FSCN1: variants seen among roughly 807,000 people sequenced by gnomAD.
FSCN1 encodes the protein fascin.
A neutral mutation model predicts 39.7 loss-of-function variants in FSCN1; 10 were observed. The observed-to-expected ratio is 0.25, with a 90% CI of 0.16 to 0.43. The LOEUF is 0.43. FSCN1 is among the 20% of genes least tolerant of loss of function. The probability of loss-of-function intolerance (pLI) is 1.00; values close to 1 mark genes in which losing one functional copy is unlikely to be tolerated. For synonymous variants in FSCN1, 322 were observed against 320.0 expected (o/e 1.01, Z -0.07); for missense variants, 525 against 723.8 (o/e 0.73, Z 3.15).
intron 1 of FSCN1, among the ~76,000 whole-genome samples, chr7:5,600,486 A>T (rs73334470): frequency 0.016 from 2,426 of 152,202 alleles, 60 homozygotes; most frequent in African/African-American, 0.056. Context: ...TTTCCCGAAG[A>T]TAGAGATCCC....
At position 5,602,336 on chromosome 7, in the gene FSCN1, G is replaced by A. The variant is rs563856176; in HGVS notation, c.833-921G>A. On this transcript the variant is annotated intron_variant, in intron 1 of 4. Transcript: ENST00000382361. ...GCAGGAGATATGAGCCACCGCACCC[G>A]GCCCTTTTATAAGTTTTCTAAAGGA... 4.0e-5 allele frequency among the ~76,000 whole-genome samples: 6 copies of A among 151,772 alleles called. No individual in the cohort carries two copies. In the East Asian group the frequency reaches 9.7e-4, roughly 25 times the overall value.
In FSCN1 at chr7:5,603,647, CGTCCTGGA is replaced by C; in HGVS notation, c.1111+40_1111+47del. The C allele has an allele frequency of 6.2e-7, 1 of 1,613,382 alleles. No homozygotes were observed. Among genetic ancestry groups the C allele is most frequent in the Middle Eastern group, 1.7e-4 (1 of 6,016 alleles). On this transcript the variant is annotated intron_variant, in intron 3 of 4. Coordinates refer to ENST00000382361, the MANE Select transcript of FSCN1 (RefSeq NM_003088.4). This position sits in a 1 kb window ranked among gnomAD's most constrained non-coding sequence, Gnocchi z 8.5. Reference sequence around the variant, plus strand: ...CACTAAAGCCCCAGTTCCCTGGAGCCGTCCTGGAGTCCTGGAGGGTCTGGCCATGCCGT... The same window carrying C: ...CACTAAAGCCCCAGTTCCCTGGAGCCGTCCTGGAGGGTCTGGCCATGCCGT...
intron 1 of FSCN1, among the ~76,000 whole-genome samples, chr7:5,601,146 G>A (rs186551284): frequency 2.5e-4 from 38 of 149,224 alleles, no homozygotes; most frequent in African/African-American, 9.1e-4. Flanking sequence ...ACAGAAAACA[G>A]TATGCAAATC....
Position 5,603,166 on chromosome 7 carries a change from T to C in FSCN1, c.833-91T>C. The C allele has an allele frequency of 6.9e-7, 1 of 1,454,792 alleles. No individual in the cohort carries two copies. The highest frequency in any genetic ancestry group is 9.4e-7 in the Non-Finnish European group (1 of 1,058,480). 90.1% of individuals were successfully genotyped at this position (1,454,792 alleles called of 1,614,324 possible). A position where few individuals can be genotyped will look rare whatever the true frequency, so the allele number is the denominator to read the frequency against. ...CCCACCCCACCCCGTGGTGTTACCT[T>C]GCGTGTGTAGTTCTGTGAGCTCAGG... On this transcript the variant is annotated intron_variant, in intron 1 of 4. Coordinates refer to ENST00000382361, the MANE Select transcript of FSCN1 (RefSeq NM_003088.4). The surrounding 1 kb of genome is among the most constrained non-coding windows in gnomAD (Gnocchi z 8.5).
chr7:5,595,472 C>T (rs1785713085), intron 1 of FSCN1, among the ~76,000 whole-genome samples: 2 of 152,154 alleles, frequency 1.3e-5, no homozygotes, highest in Non-Finnish European at 2.9e-5. Context: ...ATGAGTGAAC[C>T]AGTGGGGTTC....
At chr7:5,596,040 G>A (rs1229098531) in intron 1 of FSCN1, among the ~76,000 whole-genome samples, 1 of 151,756 alleles carries the variant, frequency 6.6e-6, no homozygotes, top group Non-Finnish European at 1.5e-5. Flanking sequence ...CGGGGGTGGG[G>A]GTACTTGGGG....
At chr7:5,600,606 G>T (rs1249815256) in intron 1 of FSCN1, among the ~76,000 whole-genome samples, 1 of 147,250 alleles carries the variant, frequency 6.8e-6, no homozygotes, top group Admixed American at 6.8e-5. Flanking sequence ...ATTCTCCTGC[G>T]TCAGCCTCCC....
At chr7:5,600,138 G>A (rs1489091308) in intron 1 of FSCN1, among the ~76,000 whole-genome samples, 3 of 152,070 alleles carry the variant, frequency 2.0e-5, no homozygotes, top group Admixed American at 6.6e-5. Flanking sequence ...TGGGCTGGGC[G>A]CAGTGGCTCA....
chr7:5,601,197 C>CTTTT (rs534109521), intron 1 of FSCN1, among the ~76,000 whole-genome samples: 20 of 115,526 alleles, frequency 1.7e-4, no homozygotes, highest in Non-Finnish European at 2.3e-4. Flanking sequence ...TTCTTTCTTC[C>CTTTT]TTTTTTTTTT....
chr7:5,600,387 C>G (rs1785803787), intron 1 of FSCN1, among the ~76,000 whole-genome samples: 1 of 152,026 alleles, frequency 6.6e-6, no homozygotes, highest in Non-Finnish European at 1.5e-5. Flanking sequence ...GCACTCCAGC[C>G]CGGGAGACAC....
intron 1 of FSCN1, among the ~76,000 whole-genome samples, chr7:5,602,030 C>T (rs1190155698): frequency 2.0e-5 from 3 of 151,356 alleles, no homozygotes; most frequent in Non-Finnish European, 1.5e-5. Flanking sequence ...CTGCCATCTC[C>T]GCCTCCCAGG....
intron 1 of FSCN1, chr7:5,594,426 A>T (rs556170204): frequency 0.022 from 3,411 of 152,324 alleles, 72 homozygotes; most frequent in Admixed American, 0.037. Flanking sequence ...CCCGCGCTCG[A>T]GGCCGCGGCC....
rs200275119 is a variant in FSCN1, at chr7:5,603,628, A to C, written c.1111+11A>C. 3,606 of 1,613,954 alleles carry C rather than the reference A, an allele frequency of 2.2e-3. 5 individuals are homozygous for C. Among genetic ancestry groups the C allele is most frequent in the Non-Finnish European group, 2.9e-3 (3,384 of 1,180,004 alleles). On this transcript the variant is annotated intron_variant, in intron 3 of 4. Transcript: ENST00000382361. This position sits in a 1 kb window ranked among gnomAD's most constrained non-coding sequence, Gnocchi z 8.5. The stretch of plus-strand genomic sequence containing the variant: ...CGGTGGAGACAGCAGGTAACACTAA[A>C]GCCCCAGTTCCCTGGAGCCGTCCTG...
At position 5,605,565 on chromosome 7, in the gene FSCN1, G is replaced by C. The variant is rs1303483388; in HGVS notation, c.*91G>C. On this transcript the variant is annotated 3_prime_UTR_variant, in exon 5 of 5. Coordinates refer to ENST00000382361, the MANE Select transcript of FSCN1 (RefSeq NM_003088.4). The surrounding 1 kb of genome is among the most constrained non-coding windows in gnomAD (Gnocchi z 6.9). ...TTCTCCGCCAGGTGGGCTCCAGGGC[G>C]GGAGGCAAGCCCCCTTGCCTTTCAA... 4.1e-6 allele frequency: 4 copies of C among 977,994 alleles called. No individual in the cohort carries two copies. The highest frequency in any genetic ancestry group is 5.9e-6 in the Non-Finnish European group (4 of 672,796). 60.6% of individuals were successfully genotyped at this position (977,994 alleles called of 1,614,324 possible).
chr7:5,603,731 G>T lies in FSCN1; in HGVS notation c.1111+114G>T. 1 of 1,530,088 alleles carries T rather than the reference G, an allele frequency of 6.5e-7. No individual in the cohort carries two copies. The highest frequency in any genetic ancestry group is 9.0e-7 in the Non-Finnish European group (1 of 1,117,314). 94.8% of individuals were successfully genotyped at this position (1,530,088 alleles called of 1,614,324 possible). ...CCTGCTCTGTGCTGGGCATCCCCCC[G>T]GACTGGCCCCGCACTGTCCTACCCT... On this transcript the variant is annotated intron_variant, in intron 3 of 4. Coordinates refer to ENST00000382361, the MANE Select transcript of FSCN1 (RefSeq NM_003088.4). This position sits in a 1 kb window ranked among gnomAD's most constrained non-coding sequence, Gnocchi z 8.5.
rs371640415 is a variant in FSCN1 at position 5,593,498 on chromosome 7, G to T, written c.562G>T (p.Val188Leu). ...TLAFQDQRYS[V>L]QTADHRFLRH... is the part of the protein sequence containing the mutation. ...CGCCTTCCAGGACCAGCGCTACAGCGTGCAGACCGCCGACCACCGCTTCCT... is the reference window on the plus strand; with the variant it reads ...CGCCTTCCAGGACCAGCGCTACAGCTTGCAGACCGCCGACCACCGCTTCCT... The change falls in exon 1 of 5, where the codon GTG becomes TTG. Residue 188 changes from valine to leucine, a missense_variant. Coordinates refer to ENST00000382361, the MANE Select transcript of FSCN1 (RefSeq NM_003088.4). The T allele has an allele frequency of 3.1e-6, 5 of 1,608,958 alleles. No homozygotes were observed. Among genetic ancestry groups the T allele is most frequent in the Non-Finnish European group, 2.5e-6 (3 of 1,179,024 alleles).
chr7:5,600,227 C>T (rs1490214510), intron 1 of FSCN1, among the ~76,000 whole-genome samples: 1 of 152,034 alleles, frequency 6.6e-6, no homozygotes, highest in Non-Finnish European at 1.5e-5. Flanking sequence ...GCCTGGCCAA[C>T]ATAATGAAAC....
At chr7:5,601,703 G>A (rs141600803) in intron 1 of FSCN1, among the ~76,000 whole-genome samples, 1 of 152,082 alleles carries the variant, frequency 6.6e-6, no homozygotes, top group Non-Finnish European at 1.5e-5. Context: ...AACTTGATGT[G>A]GTGGTGTGTG....
intron 1 of FSCN1, among the ~76,000 whole-genome samples, chr7:5,601,136 A>G (rs181615792): frequency 2.0e-5 from 3 of 151,762 alleles, no homozygotes; most frequent in Non-Finnish European, 4.4e-5. Context: ...AAGATGCCAT[A>G]CAGAAAACAG....
Sources: allele counts gnomAD v4.1 joint callset (sites outside exome capture counted in the v4.1 genomes callset), GRCh38; gene constraint gnomAD v4.1.1; non-coding constraint Gnocchi (gnomAD v3.1); transcripts MANE v1.5; gene names NCBI Gene and HGNC (gene_info 2026-07-23, HGNC 2026-07-21).